SNTG2: variants seen among roughly 807,000 people sequenced by gnomAD.
The protein encoded by SNTG2 is gamma-2-syntrophin.
Under a neutral mutation model 70.9 loss-of-function variants are expected in SNTG2, and 74 were observed. The observed-to-expected ratio is 1.04, with a 90% CI of 0.86 to 1.27. The LOEUF is 1.27. Among genes scored for constraint, SNTG2 ranks in the 50% most tolerant of loss-of-function variants. The pLI is 0.00. For missense variants in SNTG2, 717 were observed against 690.7 expected (o/e 1.04, Z -0.43); for synonymous variants, 278 against 273.8 (o/e 1.02, Z -0.15).
chr2:1,320,835 T>C (rs1230822237), intron 16 of SNTG2, among the ~76,000 whole-genome samples: 2 of 152,194 alleles, frequency 1.3e-5, no homozygotes, highest in Non-Finnish European at 2.9e-5. Context: ...GAAGCTGCCC[T>C]TCCCCAATTC....
Position 1,362,182 on chromosome 2 carries a change from A to AGTCACCAATGCTGAGCATTTCAG in SNTG2, c.1489-5161_1489-5160insGTCACCAATGCTGAGCATTTCAG, listed in dbSNP as rs1558232907. Among the ~76,000 whole-genome samples, 11 of 135,366 alleles carry AGTCACCAATGCTGAGCATTTCAG rather than the reference A, an allele frequency of 8.1e-5. 1 individual carries two copies. Among genetic ancestry groups the AGTCACCAATGCTGAGCATTTCAG allele is most frequent in the East Asian group, 2.5e-4 (1 of 4,006 alleles). 88.8% of individuals were successfully genotyped at this position (135,366 alleles called of 152,430 possible). On this transcript the variant is annotated intron_variant, in intron 16 of 16. Coordinates refer to ENST00000308624, the MANE Select transcript of SNTG2 (RefSeq NM_018968.4). ...AGCATTTCAGTAGAACTTCCATGAG[A>AGTCACCAATGCTGAGCATTTCAG]TACACCGATGCTGAGCATTTCAGTA...
At chr2:1,070,457 T>A (rs1663458265) in intron 1 of SNTG2, among the ~76,000 whole-genome samples, 1 of 152,220 alleles carries the variant, frequency 6.6e-6, no homozygotes. Flanking sequence ...ATAATGCTCA[T>A]GAGCTTCTTA....
At chr2:951,154 A>G (rs1353301494) in intron 1 of SNTG2, 86 bp downstream of exon 1, 1 of 505,096 alleles carries the variant, frequency 2.0e-6, no homozygotes, top group Non-Finnish European at 2.8e-6. Context: ...TCCTCCCTCC[A>G]CGCCCCCTCG....
intron 10 of SNTG2, among the ~76,000 whole-genome samples, chr2:1,238,647 A>G (rs968810870): frequency 2.6e-5 from 4 of 152,212 alleles, no homozygotes; most frequent in African/African-American, 4.8e-5. Flanking sequence ...GGACTCGGAC[A>G]TGGAGCCGTG....
At chr2:1,221,915 G>C (rs143516735) in intron 9 of SNTG2, among the ~76,000 whole-genome samples, 3 of 4,260 alleles carry the variant, frequency 7.0e-4, no homozygotes, top group Non-Finnish European at 8.4e-4. Flanking sequence ...CTCTGTCTCT[G>C]TCTCTCTCTG....
chr2:962,406 A>C (rs1660381260), intron 1 of SNTG2, among the ~76,000 whole-genome samples: 1 of 152,178 alleles, frequency 6.6e-6, no homozygotes, highest in Admixed American at 6.5e-5. Flanking sequence ...AGAAAGCATG[A>C]GTTTTGTGGT....
intron 1 of SNTG2, among the ~76,000 whole-genome samples, chr2:1,034,181 C>T (rs951830491): frequency 1.3e-5 from 2 of 151,670 alleles, no homozygotes; most frequent in African/African-American, 4.9e-5. Flanking sequence ...TTCATGTGTT[C>T]TCATCATTTA....
chr2:1,209,235 G>T lies in SNTG2; in HGVS notation c.719+5G>T. 1.2e-6 allele frequency: 2 copies of T among 1,613,960 alleles called. No homozygotes were observed. The highest frequency in any genetic ancestry group is 1.7e-6 in the Non-Finnish European group (2 of 1,179,874). On this transcript the variant is annotated splice_donor_5th_base_variant and intron_variant, in intron 9 of 16. Transcript: ENST00000308624. ...AGCCGGAACGGAAAAATTAAGGTGT[G>T]TGACCATTGTCTGAGATGGGAAACT...
intron 6 of SNTG2, among the ~76,000 whole-genome samples, chr2:1,143,431 A>C (rs1429648039): frequency 6.6e-6 from 1 of 151,962 alleles, no homozygotes; most frequent in Non-Finnish European, 1.5e-5. Context: ...CTTATCCAAC[A>C]CTAAACTCTA....
chr2:1,330,615 G>A (rs1007920236), intron 16 of SNTG2, among the ~76,000 whole-genome samples: 1 of 152,202 alleles, frequency 6.6e-6, no homozygotes, highest in Non-Finnish European at 1.5e-5. Context: ...GGGACAGACA[G>A]AAAGTATGTT....
At chr2:1,303,154 AT>A (rs1209314724) in intron 14 of SNTG2, among the ~76,000 whole-genome samples, 2 of 152,210 alleles carry the variant, frequency 1.3e-5, no homozygotes, top group Non-Finnish European at 2.9e-5. Flanking sequence ...TCCAGTAAAC[AT>A]TTATGGAATC....
chr2:1,175,347 C>T (rs28628813), intron 8 of SNTG2, among the ~76,000 whole-genome samples: 47,888 of 152,034 alleles, frequency 0.31, 8,127 homozygotes, highest in East Asian at 0.65. Context: ...TATTTATAAT[C>T]AATTTGTGTC....
chr2:967,395 T>C (rs1051412478), intron 1 of SNTG2, among the ~76,000 whole-genome samples: 1 of 152,216 alleles, frequency 6.6e-6, no homozygotes, highest in Non-Finnish European at 1.5e-5. Flanking sequence ...AGTTCCCTTC[T>C]CTTAGTTTAA....
Position 1,083,570 on chromosome 2 carries a change from A to G in SNTG2, c.125A>G (p.Asp42Gly). The change falls in exon 2 of 17, where the codon GAC (aspartate) becomes GGC (glycine). Residue 42 changes from aspartate (D) to glycine (G), a missense_variant. Asp to Gly is a moderately conservative substitution (Grantham distance 94, BLOSUM62 -1). Coordinates refer to ENST00000308624, the MANE Select transcript of SNTG2 (RefSeq NM_018968.4). The stretch of plus-strand genomic sequence containing the variant: ...GATGAAGAGTCCGAAAATGCCTATG[A>G]CATCCGGCTGAAGCTGACGAAAGAG... ...LYDEESENAYDIRLKLTKEVL... is the reference protein window; with the variant it reads ...LYDEESENAYGIRLKLTKEVL... 1 of 1,613,762 alleles carries G rather than the reference A, an allele frequency of 6.2e-7. No individual in the cohort carries two copies. The highest frequency in any genetic ancestry group is 1.7e-4 in the Middle Eastern group (1 of 6,056).
chr2:1,123,628 C>T (rs1167721588), intron 4 of SNTG2, among the ~76,000 whole-genome samples: 1 of 152,146 alleles, frequency 6.6e-6, no homozygotes, highest in Non-Finnish European at 1.5e-5. Flanking sequence ...TGGAGAAGAG[C>T]TCGTTGATAT....
intron 1 of SNTG2, among the ~76,000 whole-genome samples, chr2:1,039,029 A>G (rs1179009541): frequency 3.9e-5 from 6 of 152,194 alleles, no homozygotes; most frequent in Admixed American, 6.5e-5. Context: ...GTTCATATGG[A>G]GTGTGCATAA....
chr2:1,340,429 T>G (rs897730889), intron 16 of SNTG2, among the ~76,000 whole-genome samples: 1 of 152,246 alleles, frequency 6.6e-6, no homozygotes, highest in African/African-American at 2.4e-5. Context: ...GAGATTCTTT[T>G]GCAAAGTGGG....
At chr2:1,240,826 A>T (rs888769989) in intron 11 of SNTG2, among the ~76,000 whole-genome samples, 3 of 150,310 alleles carry the variant, frequency 2.0e-5, no homozygotes, top group African/African-American at 7.3e-5. Flanking sequence ...ATTATTCTAA[A>T]ATTACCATCA....
intron 9 of SNTG2, among the ~76,000 whole-genome samples, chr2:1,217,678 A>G (rs1218955058): frequency 2.6e-5 from 4 of 152,168 alleles, no homozygotes; most frequent in African/African-American, 9.7e-5. Flanking sequence ...GAAATGTAGT[A>G]CATTGTATGT....
Sources: allele counts gnomAD v4.1 joint callset (sites outside exome capture counted in the v4.1 genomes callset), GRCh38; gene constraint gnomAD v4.1.1; transcripts MANE v1.5; gene names NCBI Gene and HGNC (gene_info 2026-07-23, HGNC 2026-07-21).